TDP1: variants seen among roughly 807,000 people sequenced by gnomAD.
TDP1 encodes tyrosyl-DNA phosphodiesterase 1, also known as tyr-DNA phosphodiesterase 1.
TDP1 carries 64 observed loss-of-function variants against 81.5 expected under a neutral mutation model. That is an observed-to-expected ratio of 0.79 (90% CI 0.64 to 0.97). The LOEUF (loss-of-function observed/expected upper bound fraction) is 0.97, where lower values mean the gene tolerates loss of function less well. Ranked by LOEUF, TDP1 falls within the 50% of genes least tolerant of loss-of-function variation. TDP1 has a pLI of 0.00. For missense variants in TDP1, 723 were observed against 743.8 expected, an observed-to-expected ratio of 0.97 and a Z score of 0.33; for synonymous variants, 256 against 264.3, an observed-to-expected ratio of 0.97 and a Z score of 0.30.
rs773682824 is a variant in TDP1 at position 90,033,228 on chromosome 14, A to G, written c.1753+14A>G. ...ATGGAAGTAAAGGTGAGACACAGAT[A>G]AAGGAAAACCACGGGTGGATATGCA... On this transcript the variant is annotated intron_variant, in intron 16 of 16. Transcript: ENST00000335725. The G allele has an allele frequency of 2.0e-6, 3 of 1,467,628 alleles. No homozygotes were observed. The South Asian group carries it at 3.4e-5, about 17-fold the overall frequency. 90.9% of individuals were successfully genotyped at this position (1,467,628 alleles called of 1,614,324 possible). A position where few individuals can be genotyped will look rare whatever the true frequency, so the allele number is the denominator to read the frequency against.
At position 89,980,639 on chromosome 14, in the gene TDP1, AG is replaced by A. The variant is rs769491077; in HGVS notation, c.884+11del. 1 of 1,611,858 alleles carries A rather than the reference AG, an allele frequency of 6.2e-7. No homozygotes were observed. The highest frequency in any genetic ancestry group is 1.1e-5 in the South Asian group (1 of 91,024). On this transcript the variant is annotated splice_region_variant and intron_variant, in intron 8 of 16. Coordinates refer to ENST00000335725, the MANE Select transcript of TDP1 (RefSeq NM_018319.4). ...GGCACCAGAAAACTCAAGGGTTCGT[AG>A]GGGCCTGCTCACTTCCTGGCAGTGT... is the stretch of plus-strand genomic sequence containing the variant.
intron 14 of TDP1, among the ~76,000 whole-genome samples, chr14:89,996,317 T>C (rs971827049): frequency 2.0e-5 from 3 of 152,146 alleles, no homozygotes; most frequent in African/African-American, 7.2e-5. Context: ...TTCTTACCCA[T>C]TAATCCCCAA....
chr14:89,960,378 G>A (rs1892186830), intron 2 of TDP1, among the ~76,000 whole-genome samples: 1 of 152,100 alleles, frequency 6.6e-6, no homozygotes, highest in East Asian at 1.9e-4. Context: ...TTTCATGGAG[G>A]AAACTGGGCA....
intron 14 of TDP1, among the ~76,000 whole-genome samples, chr14:90,004,676 C>G (rs1366496633): frequency 6.6e-6 from 1 of 152,164 alleles, no homozygotes; most frequent in Non-Finnish European, 1.5e-5. Flanking sequence ...GGTGTGGTCC[C>G]TGCTCTCATG....
chr14:90,000,839 G>A (rs1045206903), intron 14 of TDP1, among the ~76,000 whole-genome samples: 3 of 152,226 alleles, frequency 2.0e-5, no homozygotes, highest in Non-Finnish European at 4.4e-5. Context: ...TGGCTCCAAA[G>A]CTCTTTGAGA....
Position 89,989,699 on chromosome 14 carries a change from T to C in TDP1, c.1318-18T>C. The C allele has an allele frequency of 1.3e-6, 2 of 1,596,424 alleles. No homozygotes were observed. Among genetic ancestry groups the C allele is most frequent in the Non-Finnish European group, 1.7e-6 (2 of 1,164,324 alleles). ...ACATGGTACATTCCGAGTTTTATTG[T>C]TTTCCTCTTATTTTTAGATCTATCC... is the stretch of plus-strand genomic sequence containing the variant. On this transcript the variant is annotated intron_variant, in intron 11 of 16. Coordinates refer to ENST00000335725, the MANE Select transcript of TDP1 (RefSeq NM_018319.4).
chr14:89,972,898 A>C (rs1893830551), intron 6 of TDP1, among the ~76,000 whole-genome samples: 1 of 152,200 alleles, frequency 6.6e-6, no homozygotes, highest in South Asian at 2.1e-4. Flanking sequence ...GACAGAGTGA[A>C]TTACATCCTT....
chr14:89,995,997 G>A (rs1896620923), intron 14 of TDP1, among the ~76,000 whole-genome samples: 1 of 152,150 alleles, frequency 6.6e-6, no homozygotes. Context: ...CTTGAGGTGG[G>A]CACATGGATG....
chr14:89,970,235 A>G (rs548476431), intron 5 of TDP1, among the ~76,000 whole-genome samples: 153 of 152,358 alleles, frequency 1.0e-3, no homozygotes, highest in African/African-American at 3.6e-3. Flanking sequence ...AGAATCCCTC[A>G]AAAGCCTTTT....
intron 7 of TDP1, among the ~76,000 whole-genome samples, chr14:89,978,154 A>G (rs73324588): frequency 0.1 from 15,378 of 152,018 alleles, 2,041 homozygotes; most frequent in African/African-American, 0.31. Context: ...CCCCCACCTC[A>G]CCTACCCCTG....
intron 13 of TDP1, 37 bp downstream of exon 13, chr14:89,992,020 T>C (rs756232947): frequency 9.6e-6 from 15 of 1,565,620 alleles, no homozygotes; most frequent in South Asian, 6.7e-5. Context: ...ATTGCTTCTT[T>C]AGGAATTAGA....
At chr14:90,036,314 G>A (rs1887812609) in intron 16 of TDP1, among the ~76,000 whole-genome samples, 2 of 152,082 alleles carry the variant, frequency 1.3e-5, no homozygotes, top group Non-Finnish European at 2.9e-5. Context: ...ACATTCCTGG[G>A]AAGCCATATG....
chr14:89,972,839 T>C (rs1893823396), intron 6 of TDP1, among the ~76,000 whole-genome samples: 1 of 152,228 alleles, frequency 6.6e-6, no homozygotes, highest in Non-Finnish European at 1.5e-5. Flanking sequence ...TCTTTCCTTA[T>C]CGTTAGCTTA....
At chr14:89,970,376 G>A (rs1030105997) in intron 5 of TDP1, among the ~76,000 whole-genome samples, 1 of 152,172 alleles carries the variant, frequency 6.6e-6, no homozygotes, top group African/African-American at 2.4e-5. Flanking sequence ...CTGTGGGCCT[G>A]GCCTGGGCCT....
intron 6 of TDP1, 88 bp from the exon 7 acceptor site, chr14:89,975,692 AG>A: frequency 8.0e-7 from 1 of 1,253,244 alleles, no homozygotes; most frequent in Non-Finnish European, 1.2e-6. Flanking sequence ...TAAAAAAAAA[AG>A]TTGACCTGAT....
chr14:89,957,268 C>T (rs1025191594), intron 2 of TDP1: 14 of 152,222 alleles, frequency 9.2e-5, no homozygotes, highest in Non-Finnish European at 1.9e-4. Context: ...TCTGTCTCTT[C>T]TGCCCTGAAA....
chr14:89,984,013 A>G, intron 8 of TDP1: 1 of 600,346 alleles, frequency 1.7e-6, no homozygotes, highest in Non-Finnish European at 2.1e-6. Flanking sequence ...AATTGAAAAT[A>G]GATTTTTCAC....
At chr14:89,972,122 A>G (rs1367747070) in intron 6 of TDP1, among the ~76,000 whole-genome samples, 1 of 152,244 alleles carries the variant, frequency 6.6e-6, no homozygotes, top group Non-Finnish European at 1.5e-5. Context: ...TTGCACCGCT[A>G]TGAAGACATA....
In TDP1 at chr14:89,998,431, T is replaced by C. The variant is rs1449432530; in HGVS notation, c.1541+4948T>C. On this transcript the variant is annotated intron_variant, in intron 14 of 16. Transcript: ENST00000335725. ...ATATATATATATATATATGTATGTA[T>C]GTATGTATGTATATGTATATGTATA... Among the ~76,000 whole-genome samples, 111 of 129,380 alleles carry C rather than the reference T, an allele frequency of 8.6e-4. 3 individuals are homozygous for C. Among genetic ancestry groups the C allele is most frequent in the African/African-American group, 3.6e-3 (105 of 28,960 alleles). 84.9% of individuals were successfully genotyped at this position (129,380 alleles called of 152,430 possible). A position where few individuals can be genotyped will look rare whatever the true frequency, so the allele number is the denominator to read the frequency against.
Sources: gnomAD v4.1 joint callset for allele counts (sites outside exome capture counted in the v4.1 genomes callset) on GRCh38, gnomAD v4.1.1 for gene constraint, MANE v1.5 for transcripts, NCBI Gene and HGNC (gene_info 2026-07-23, HGNC 2026-07-21) for gene names.